FER1L6: variants seen among roughly 807,000 people sequenced by gnomAD.
The protein encoded by FER1L6 is fer-1 like family member 6, also known as fer-1-like protein 6.
In FER1L6, 177 loss-of-function variants were observed where a neutral mutation model predicts 219.2. That is an observed-to-expected ratio of 0.81 (90% CI 0.71 to 0.91). FER1L6 has a LOEUF of 0.91. Ranked by LOEUF, FER1L6 falls within the 40% of genes least tolerant of loss-of-function variation. The probability of loss-of-function intolerance (pLI) is 0.00; values close to 1 mark genes in which losing one functional copy is unlikely to be tolerated. For missense variants in FER1L6, 2,153 were observed against 2,259.9 expected (o/e 0.95, Z 0.96); for synonymous variants, 768 against 824.3 (o/e 0.93, Z 1.17).
At chr8:124,106,762 A>C (rs1387921335) in intron 39 of FER1L6, among the ~76,000 whole-genome samples, 1 of 152,016 alleles carries the variant, frequency 6.6e-6, no homozygotes, top group African/African-American at 2.4e-5. Context: ...TTGTCCATGG[A>C]CTTCATGGTT....
chr8:123,950,992 A>G (rs1004435171), intron 1 of FER1L6, among the ~76,000 whole-genome samples: 1 of 152,254 alleles, frequency 6.6e-6, no homozygotes, highest in African/African-American at 2.4e-5. Flanking sequence ...TTGAGTGGAA[A>G]GGAAGTAGAC....
chr8:123,927,312 A>G (rs1813601198), intron 1 of FER1L6, among the ~76,000 whole-genome samples: 1 of 152,186 alleles, frequency 6.6e-6, no homozygotes, highest in Non-Finnish European at 1.5e-5. Flanking sequence ...TCAGCAAGTC[A>G]GTAACAATAG....
At chr8:124,091,713 T>A in intron 34 of FER1L6, 130 bp downstream of exon 34, 1 of 950,360 alleles carries the variant, frequency 1.1e-6, no homozygotes. Context: ...ACGTCTGTAA[T>A]CCCAGCACTA....
intron 22 of FER1L6, among the ~76,000 whole-genome samples, chr8:124,059,860 T>C (rs956916568): frequency 5.3e-5 from 8 of 152,128 alleles, no homozygotes; most frequent in African/African-American, 1.9e-4. Flanking sequence ...CCTGCTGTGG[T>C]TCTTGTGTAA....
intron 18 of FER1L6, among the ~76,000 whole-genome samples, chr8:124,032,052 T>C (rs563155665): frequency 1.3e-5 from 2 of 152,380 alleles, no homozygotes; most frequent in African/African-American, 4.8e-5. Flanking sequence ...GTTTTAACCA[T>C]GAGTTTAAAC....
intron 1 of FER1L6, among the ~76,000 whole-genome samples, chr8:123,921,245 T>G (rs1187878476): frequency 6.6e-6 from 1 of 152,230 alleles, no homozygotes; most frequent in Non-Finnish European, 1.5e-5. Flanking sequence ...TATTTTTAAT[T>G]TTTTGAGTAA....
intron 39 of FER1L6, among the ~76,000 whole-genome samples, chr8:124,114,114 C>T (rs1473819382): frequency 2.6e-5 from 4 of 152,072 alleles, no homozygotes; most frequent in Admixed American, 6.5e-5. Context: ...AGCTATTGAT[C>T]GATCTATTTA....
chr8:124,043,622 A>C (rs1205365429), intron 20 of FER1L6, among the ~76,000 whole-genome samples: 2 of 152,224 alleles, frequency 1.3e-5, no homozygotes, highest in Non-Finnish European at 2.9e-5. Flanking sequence ...TTAAAGTCAC[A>C]TGGCTGATAA....
intron 39 of FER1L6, among the ~76,000 whole-genome samples, chr8:124,114,297 A>G (rs1413657268): frequency 1.3e-5 from 2 of 152,164 alleles, no homozygotes; most frequent in Admixed American, 6.5e-5. Flanking sequence ...CAGAGTTGGT[A>G]TAAGAGTCAT....
At chr8:124,029,753 A>C (rs1317740301) in intron 18 of FER1L6, among the ~76,000 whole-genome samples, 2 of 152,150 alleles carry the variant, frequency 1.3e-5, no homozygotes, top group African/African-American at 4.8e-5. Flanking sequence ...TGCTTTGAAG[A>C]AGCTCTTTAG....
At chr8:124,039,036 T>G (rs1819344353) in intron 19 of FER1L6, among the ~76,000 whole-genome samples, 2 of 152,192 alleles carry the variant, frequency 1.3e-5, no homozygotes, top group South Asian at 4.1e-4. Flanking sequence ...AACTCTTACT[T>G]GAGGTTTCCC....
intron 2 of FER1L6, among the ~76,000 whole-genome samples, chr8:123,962,492 C>T (rs1010498839): frequency 7.2e-5 from 11 of 151,956 alleles, no homozygotes; most frequent in African/African-American, 1.2e-4. Context: ...GCCACAGGGT[C>T]CATTCTGTCA....
At chr8:123,928,344 A>G (rs1813642885) in intron 1 of FER1L6, among the ~76,000 whole-genome samples, 2 of 152,168 alleles carry the variant, frequency 1.3e-5, no homozygotes, top group Admixed American at 6.5e-5. Flanking sequence ...CTTCCCTTGC[A>G]GCTAGAATGC....
At chr8:124,002,275 A>C (rs953343497) in intron 12 of FER1L6, among the ~76,000 whole-genome samples, 1 of 152,130 alleles carries the variant, frequency 6.6e-6, no homozygotes, top group Non-Finnish European at 1.5e-5. Context: ...CTTCCTGGTA[A>C]AGAGGATCTG....
In FER1L6 at chr8:123,875,759, C is replaced by T. The variant is rs142535823; in HGVS notation, c.-8+23574C>T. On this transcript the variant is annotated intron_variant, in intron 1 of 40. Coordinates refer to ENST00000522917, the MANE Select transcript of FER1L6 (RefSeq NM_001039112.2). ...AATGACAACTCCATTTCTCAAGTTT[C>T]TCAGGCAAAAAGCTTTGGAGTCATC... Among the ~76,000 whole-genome samples the T allele has an allele frequency of 5.4e-3, 826 of 152,264 alleles. 8 individuals are homozygous for T. The highest frequency in any genetic ancestry group is 6.3e-3 in the Non-Finnish European group (429 of 68,020).
At position 123,980,657 on chromosome 8, in the gene FER1L6, T is replaced by C. The variant is rs1454316742; in HGVS notation, c.1256T>C (p.Leu419Pro). 1.2e-6 allele frequency: 2 copies of C among 1,614,182 alleles called. No individual in the cohort carries two copies. The highest frequency in any genetic ancestry group is 4.5e-5 in the East Asian group (2 of 44,896). Residue 419 changes from leucine to proline, a missense_variant, in exon 11 of 41, where the codon CTG (leucine) becomes CCG (proline). By Grantham distance (98) the Leu-to-Pro change is moderately conservative (BLOSUM62 -3). Coordinates refer to ENST00000522917, the MANE Select transcript of FER1L6 (RefSeq NM_001039112.2). ...RAQESKFSKA[L>P]KELKLPSKDK... is the part of the protein sequence containing the mutation. Reference sequence around the variant, plus strand: ...CAGGAATCTAAATTTTCCAAGGCCCTGAAGGAGCTCAAGTTGCCTTCCAAG... The same window carrying C: ...CAGGAATCTAAATTTTCCAAGGCCCCGAAGGAGCTCAAGTTGCCTTCCAAG...
chr8:124,033,388 C>G (rs1819055084), intron 18 of FER1L6, among the ~76,000 whole-genome samples: 1 of 152,000 alleles, frequency 6.6e-6, no homozygotes, highest in Non-Finnish European at 1.5e-5. Flanking sequence ...TACATTTTGG[C>G]TATTATTATT....
chr8:123,985,901 T>C, intron 11 of FER1L6, 167 bp from the exon 12 acceptor site: 1 of 581,046 alleles, frequency 1.7e-6, no homozygotes, highest in Non-Finnish European at 3.1e-6. Context: ...AGTTTGCAGA[T>C]CCTGATTCAT....
At chr8:124,096,260 A>C (rs561935142) in intron 35 of FER1L6, among the ~76,000 whole-genome samples, 1 of 152,300 alleles carries the variant, frequency 6.6e-6, no homozygotes, top group East Asian at 1.9e-4. Flanking sequence ...ATGAATATTA[A>C]TGTGTCTTTA....
Sources: gnomAD v4.1 joint callset for allele counts (sites outside exome capture counted in the v4.1 genomes callset) on GRCh38, gnomAD v4.1.1 for gene constraint, MANE v1.5 for transcripts, NCBI Gene and HGNC (gene_info 2026-07-23, HGNC 2026-07-21) for gene names.